Variants in PCDHA4 observed in about 807,000 individuals in gnomAD.
PCDHA4 encodes protocadherin alpha-4.
Under a neutral mutation model 61.4 loss-of-function variants are expected in PCDHA4, and 49 were observed. That is an observed-to-expected ratio of 0.80 (90% CI 0.63 to 1.01). The LOEUF (loss-of-function observed/expected upper bound fraction) is 1.01. Among genes scored for constraint, PCDHA4 ranks in the 50% least tolerant of loss-of-function variants. The pLI is 0.00. For synonymous variants in PCDHA4, 590 were observed against 550.3 expected, an observed-to-expected ratio of 1.07 and a Z score of -1.01; for missense variants, 1,254 against 1,235.8, an observed-to-expected ratio of 1.01 and a Z score of -0.22.
rs146932686 is a variant in PCDHA4, at chr5:140,955,010, G to T, written c.2386-23939G>T. 3.9e-3 allele frequency among the ~76,000 whole-genome samples: 599 copies of T among 152,256 alleles called. 6 individuals carry two copies. The highest frequency in any genetic ancestry group is 0.032 in the South Asian group (154 of 4,816). On this transcript the variant is annotated intron_variant, in intron 1 of 3. Transcript: ENST00000530339. ...TGCATATGGCTAGCCAATTCTCCCAGCACCATTTATTAAATAGGGAATCTT... is the reference window on the plus strand; with the variant it reads ...TGCATATGGCTAGCCAATTCTCCCATCACCATTTATTAAATAGGGAATCTT...
Position 140,823,261 on chromosome 5 carries a change from C to T in PCDHA4, c.2385+13689C>T, listed in dbSNP as rs2150124032. ...CCTGGTGTCCTACTCGCTGGTGGAG[C>T]GGCGGGTGGGCGAGCGCCCGCTGTC... On this transcript the variant is annotated intron_variant, in intron 1 of 3. Transcript: ENST00000530339. The T allele has an allele frequency of 3.7e-6, 6 of 1,612,910 alleles. No homozygotes were observed. In the East Asian group the frequency reaches 1.1e-4, roughly 30 times the overall value.
At position 140,834,542 on chromosome 5, in the gene PCDHA4, G is replaced by A. The variant is rs2150220651; in HGVS notation, c.2385+24970G>A. On this transcript the variant is annotated intron_variant, in intron 1 of 3. Transcript: ENST00000530339. ...TGGGCCGCATCGCGCAGGACCTGGG[G>A]CTGGAGCTGGCGGAGCTGGTGCCGC... The A allele has an allele frequency of 3.7e-6, 6 of 1,614,086 alleles. 1 individual carries two copies. In the South Asian group the frequency reaches 5.5e-5, roughly 15 times the overall value.
intron 1 of PCDHA4, among the ~76,000 whole-genome samples, chr5:140,945,853 A>G (rs782332952): frequency 6.6e-6 from 1 of 152,190 alleles, no homozygotes; most frequent in Non-Finnish European, 1.5e-5. Flanking sequence ...AAAGACTTAA[A>G]CATAGACCTG....
rs782676713 is a variant in PCDHA4 at position 140,968,215 on chromosome 5, G to A, written c.2386-10734G>A. 3 of 1,613,862 alleles carry A rather than the reference G, an allele frequency of 1.9e-6. 1 individual carries two copies. The highest frequency in any genetic ancestry group is 2.5e-6 in the Non-Finnish European group (3 of 1,180,046). On this transcript the variant is annotated intron_variant, in intron 1 of 3. Transcript: ENST00000530339. ...CCATCTACATACAGGAGAACAATTT[G>A]CCAGGTGTGTTGCTCTGTACTGTGC... is the stretch of plus-strand genomic sequence containing the variant.
At chr5:140,989,657 A>G (rs1045043697) in intron 3 of PCDHA4, among the ~76,000 whole-genome samples, 7 of 152,228 alleles carry the variant, frequency 4.6e-5, no homozygotes, top group African/African-American at 1.7e-4. Flanking sequence ...CAATATTTTA[A>G]AAGAAACTCT....
At chr5:140,885,581 G>A (rs984552337) in intron 1 of PCDHA4, among the ~76,000 whole-genome samples, 5 of 152,098 alleles carry the variant, frequency 3.3e-5, no homozygotes, top group African/African-American at 1.2e-4. Flanking sequence ...ATGTGGAATT[G>A]ATGCATCAAA....
At chr5:140,966,974 C>T (rs782333304) in intron 1 of PCDHA4, 4 of 1,602,874 alleles carry the variant, frequency 2.5e-6, no homozygotes, top group Non-Finnish European at 3.4e-6. Flanking sequence ...GCTTGAGCTG[C>T]GGCGCTTGGG....
Position 140,870,628 on chromosome 5 carries a change from G to A in PCDHA4, c.2385+61056G>A. The A allele has an allele frequency of 4.3e-6, 7 of 1,613,050 alleles. No individual in the cohort carries two copies. The highest frequency in any genetic ancestry group is 5.9e-6 in the Non-Finnish European group (7 of 1,179,794). Reference sequence around the variant, plus strand: ...CCGCGCGCTGTCGAGCTACGTGTCGGTGCACGCGGAGAGCGGCAAGGTGTA... The same window carrying A: ...CCGCGCGCTGTCGAGCTACGTGTCGATGCACGCGGAGAGCGGCAAGGTGTA... On this transcript the variant is annotated intron_variant, in intron 1 of 3. Transcript: ENST00000530339.
At chr5:140,933,863 A>G (rs2089469278) in intron 1 of PCDHA4, among the ~76,000 whole-genome samples, 1 of 151,666 alleles carries the variant, frequency 6.6e-6, no homozygotes, top group Non-Finnish European at 1.5e-5. Context: ...ATTTTTTCAG[A>G]TATATGTTAG....
chr5:140,947,229 GA>G lies in PCDHA4; in HGVS notation c.2386-31711del, dbSNP rs201242412. On this transcript the variant is annotated intron_variant, in intron 1 of 3. Transcript: ENST00000530339. ...AAGAAAATCCTGTCATTTATGACAGGAAAAAAAAATAAGATAATCCAATGTA... is the reference window on the plus strand; with the variant it reads ...AAGAAAATCCTGTCATTTATGACAGGAAAAAAAATAAGATAATCCAATGTA... 1.0e-3 allele frequency among the ~76,000 whole-genome samples: 154 copies of G among 148,902 alleles called. 1 individual carries two copies. The highest frequency in any genetic ancestry group is 8.9e-3 in the Admixed American group (133 of 14,994).
intron 1 of PCDHA4, among the ~76,000 whole-genome samples, chr5:140,913,536 C>A (rs949214910): frequency 4.6e-5 from 7 of 151,882 alleles, no homozygotes; most frequent in Non-Finnish European, 8.8e-5. Context: ...AAAAGATTGA[C>A]TTTTTGTTTT....
chr5:140,821,985 C>T (rs2150112598), intron 1 of PCDHA4: 1 of 1,614,156 alleles, frequency 6.2e-7, no homozygotes, highest in Non-Finnish European at 8.5e-7. Flanking sequence ...CCAAGGGCCG[C>T]GGGGACCTTC....
chr5:140,830,602 A>G (rs970606519), intron 1 of PCDHA4: 1 of 658,624 alleles, frequency 1.5e-6, no homozygotes, highest in Non-Finnish European at 2.3e-6. Flanking sequence ...AAAATTACAT[A>G]TTTTCATTTT....
At chr5:140,950,706 G>A (rs72802969) in intron 1 of PCDHA4, among the ~76,000 whole-genome samples, 841 of 152,058 alleles carry the variant, frequency 5.5e-3, no homozygotes, top group Middle Eastern at 0.017. Flanking sequence ...ACAAATTTTT[G>A]TTCCTTATAT....
chr5:140,985,887 C>A (rs765609645), intron 3 of PCDHA4, among the ~76,000 whole-genome samples: 2 of 151,840 alleles, frequency 1.3e-5, no homozygotes, highest in Non-Finnish European at 2.9e-5. Context: ...CTACAGGCGC[C>A]CGCCACCACT....
At chr5:140,919,376 CAT>C (rs1245050758) in intron 1 of PCDHA4, among the ~76,000 whole-genome samples, 1 of 152,192 alleles carries the variant, frequency 6.6e-6, no homozygotes, top group Non-Finnish European at 1.5e-5. Context: ...GCAGACAACA[CAT>C]AGTTGGATGT....
chr5:140,899,619 A>G (rs2067442008), intron 1 of PCDHA4, among the ~76,000 whole-genome samples: 2 of 152,136 alleles, frequency 1.3e-5, no homozygotes, highest in Admixed American at 1.3e-4. Context: ...AATGTTCATC[A>G]AGGATATTGG....
chr5:140,975,149 T>A (rs990599895), intron 1 of PCDHA4, among the ~76,000 whole-genome samples: 1 of 152,202 alleles, frequency 6.6e-6, no homozygotes, highest in Non-Finnish European at 1.5e-5. Flanking sequence ...CACTCTCAGT[T>A]CCTAGAGAAC....
intron 1 of PCDHA4, chr5:140,927,266 C>T (rs1554204259): frequency 6.2e-7 from 1 of 1,614,146 alleles, no homozygotes. Flanking sequence ...CCTCTCTTTC[C>T]TGCCGGCGAC....
Sources: gnomAD v4.1 joint callset for allele counts (sites outside exome capture counted in the v4.1 genomes callset) on GRCh38, gnomAD v4.1.1 for gene constraint, MANE v1.5 for transcripts, NCBI Gene and HGNC (gene_info 2026-07-23, HGNC 2026-07-21) for gene names.